Variants in NLGN4Y observed in about 807,000 individuals in gnomAD.
The protein encoded by NLGN4Y is neuroligin 4 Y-linked.
Under a neutral mutation model 8.4 loss-of-function variants are expected in NLGN4Y, and 4 were observed. The observed-to-expected ratio is 0.48, with a 90% CI of 0.23 to 1.09. NLGN4Y has a LOEUF of 1.09. NLGN4Y is among the 50% of genes least tolerant of loss of function. The pLI is 0.19. For synonymous variants in NLGN4Y, 35 were observed against 75.6 expected (o/e 0.46, Z 2.78); for missense variants, 90 against 192.3 (o/e 0.47, Z 3.15).
intron 2 of NLGN4Y, among the ~76,000 whole-genome samples, chrY:14,695,145 G>A (rs2080823293): frequency 3.0e-5 from 1 of 33,631 alleles, no homozygotes; most frequent in Non-Finnish European, 7.4e-5. Flanking sequence ...ACAAAACATC[G>A]AGGAAGCTTC....
intron 4 of NLGN4Y, among the ~76,000 whole-genome samples, chrY:14,803,837 A>G: frequency 3.0e-5 from 1 of 33,170 alleles, no homozygotes; most frequent in Non-Finnish European, 7.4e-5. Context: ...TGGATATTGC[A>G]CTCTTCACAA....
chrY:14,763,499 A>T (rs763116631), intron 4 of NLGN4Y, among the ~76,000 whole-genome samples: 1 of 33,284 alleles, frequency 3.0e-5, no homozygotes, highest in African/African-American at 1.2e-4. Flanking sequence ...TAAATTGAAG[A>T]CCATATTAAG....
At chrY:14,739,671 TA>T (rs2081001206) in intron 4 of NLGN4Y, among the ~76,000 whole-genome samples, 1 of 33,290 alleles carries the variant, frequency 3.0e-5, no homozygotes, top group Non-Finnish European at 7.4e-5. Flanking sequence ...CTTTTTTGTG[TA>T]AGTGTCCAGA....
intron 1 of NLGN4Y, among the ~76,000 whole-genome samples, chrY:14,602,114 C>A: frequency 6.0e-5 from 2 of 33,307 alleles, no homozygotes; most frequent in African/African-American, 2.4e-4. Flanking sequence ...ATACGTGGGT[C>A]TGTTGCCTTG....
chrY:14,801,215 C>T (rs2043029058), intron 4 of NLGN4Y: 1 of 32,046 alleles, frequency 3.1e-5, no homozygotes, highest in African/African-American at 1.2e-4. Flanking sequence ...TGTTCTCACA[C>T]TGCCAAAAGA....
intron 1 of NLGN4Y, among the ~76,000 whole-genome samples, chrY:14,541,797 T>C (rs1603499121): frequency 5.9e-5 from 2 of 33,674 alleles, no homozygotes; most frequent in East Asian, 7.8e-4. Context: ...CTGGTGCTCC[T>C]GAAGGAATCA....
intron 2 of NLGN4Y, among the ~76,000 whole-genome samples, chrY:14,638,447 T>A (rs2150514551): frequency 2.9e-5 from 1 of 33,929 alleles, no homozygotes; most frequent in East Asian, 7.7e-4. Context: ...GGATTGCCTA[T>A]TTTTAAATGC....
At chrY:14,755,983 C>G in intron 4 of NLGN4Y, among the ~76,000 whole-genome samples, 1 of 34,336 alleles carries the variant, frequency 2.9e-5, no homozygotes, top group Non-Finnish European at 7.3e-5. Context: ...AACATAATCA[C>G]TAAATTTAAT....
intron 2 of NLGN4Y, among the ~76,000 whole-genome samples, chrY:14,649,230 G>A (rs2080621084): frequency 4.3e-4 from 14 of 32,271 alleles, no homozygotes; most frequent in Non-Finnish European, 7.5e-5. Context: ...ACTCCTAAAC[G>A]TATTATTTAT....
chrY:14,801,560 A>G (rs2043032806), intron 4 of NLGN4Y, among the ~76,000 whole-genome samples: 1 of 30,428 alleles, frequency 3.3e-5, no homozygotes, highest in Non-Finnish European at 7.9e-5. Context: ...AAAAAAAAAA[A>G]AAAGAGAGAG....
chrY:14,556,472 A>T, intron 1 of NLGN4Y, among the ~76,000 whole-genome samples: 1 of 33,164 alleles, frequency 3.0e-5, no homozygotes, highest in Non-Finnish European at 7.4e-5. Context: ...GTAACAAGTT[A>T]CTACAGACCT....
At chrY:14,605,276 A>T (rs1569360250) in intron 1 of NLGN4Y, among the ~76,000 whole-genome samples, 1 of 33,000 alleles carries the variant, frequency 3.0e-5, no homozygotes, top group East Asian at 7.9e-4. Context: ...TTTCTGCATT[A>T]ATTTACTTAG....
intron 2 of NLGN4Y, among the ~76,000 whole-genome samples, chrY:14,637,816 T>C (rs2080570257): frequency 3.2e-5 from 1 of 31,315 alleles, no homozygotes; most frequent in African/African-American, 1.3e-4. Flanking sequence ...AATTGGTTTA[T>C]AGTTTTGAGA....
chrY:14,605,172 A>G lies in NLGN4Y; in HGVS notation c.-111-16837A>G, dbSNP rs1014004600. On this transcript the variant is annotated intron_variant, in intron 1 of 6. Coordinates refer to ENST00000684976, the MANE Select transcript of NLGN4Y (RefSeq NM_001365588.1). Reference sequence around the variant, plus strand: ...TTTACCCTCTCTGTCACCCCTATTTAGTAGTCCTGAGTTTCTGTTATTGCT... The same window carrying G: ...TTTACCCTCTCTGTCACCCCTATTTGGTAGTCCTGAGTTTCTGTTATTGCT... Among the ~76,000 whole-genome samples, 8 of 32,119 alleles carry G rather than the reference A, an allele frequency of 2.5e-4. No individual in the cohort carries two copies. The East Asian group carries it at 6.5e-3, about 26-fold the overall frequency. The allele number at this position is 32,119 out of a possible 37,273, so 86.2% of individuals were successfully genotyped here. A position where few individuals can be genotyped will look rare whatever the true frequency, so the allele number is the denominator to read the frequency against.
At chrY:14,723,568 G>A in intron 4 of NLGN4Y, among the ~76,000 whole-genome samples, 1 of 33,796 alleles carries the variant, frequency 3.0e-5, no homozygotes, top group East Asian at 7.7e-4. Flanking sequence ...AGGATTAAAT[G>A]AAATTTTATT....
chrY:14,779,965 A>G, intron 4 of NLGN4Y, among the ~76,000 whole-genome samples: 3 of 33,105 alleles, frequency 9.1e-5, no homozygotes, highest in Non-Finnish European at 2.2e-4. Context: ...CCTAACATCC[A>G]TCCACATTCT....
rs2043240588 is a variant in NLGN4Y, at chrY:14,844,912, T to C, written c.*3650T>C. The C allele has an allele frequency of 3.0e-5, 1 of 33,633 alleles. No homozygotes were observed. The highest frequency in any genetic ancestry group is 7.4e-5 in the Non-Finnish European group (1 of 13,503). The allele number at this position is 33,633 out of a possible 400,897, so 8.4% of individuals were successfully genotyped here. On this transcript the variant is annotated 3_prime_UTR_variant, in exon 7 of 7. Coordinates refer to ENST00000684976, the MANE Select transcript of NLGN4Y (RefSeq NM_001365588.1). ...ATATAGATCACATATATGATGATAG[T>C]GTCTTGAGATTAAAATACCATGTTT...
intron 1 of NLGN4Y, among the ~76,000 whole-genome samples, chrY:14,592,026 AAC>A: frequency 3.0e-5 from 1 of 33,023 alleles, no homozygotes; most frequent in East Asian, 8.2e-4. Flanking sequence ...ATACACAGCC[AAC>A]AGTCATTTGC....
intron 1 of NLGN4Y, among the ~76,000 whole-genome samples, chrY:14,587,557 G>A (rs753392116): frequency 3.0e-5 from 1 of 33,509 alleles, no homozygotes. Flanking sequence ...TACCTTCTGT[G>A]TCTTGGTTTC....
Sources: gnomAD v4.1 joint callset for allele counts (sites outside exome capture counted in the v4.1 genomes callset) on GRCh38, gnomAD v4.1.1 for gene constraint, MANE v1.5 for transcripts, NCBI Gene and HGNC (gene_info 2026-07-23, HGNC 2026-07-21) for gene names.